Variants in PYHIN1 observed in about 807,000 individuals in gnomAD.
PYHIN1 encodes the protein pyrin and HIN domain family member 1.
In PYHIN1, 32 loss-of-function variants were observed where a neutral mutation model predicts 43.7. The ratio of observed to expected loss-of-function variants is 0.73; its 90% CI spans 0.55 to 0.98. The LOEUF is 0.98. Among genes scored for constraint, PYHIN1 ranks in the 50% least tolerant of loss-of-function variants. PYHIN1 has a pLI of 0.00. For missense variants in PYHIN1, 588 were observed against 589.5 expected, an observed-to-expected ratio of 1.00 and a Z score of 0.03; for synonymous variants, 205 against 203.1, an observed-to-expected ratio of 1.01 and a Z score of -0.08.
At chr1:158,960,093 T>C (rs6683718) in intron 7 of PYHIN1, among the ~76,000 whole-genome samples, 2 of 152,238 alleles carry the variant, frequency 1.3e-5, no homozygotes, top group Non-Finnish European at 2.9e-5. Context: ...ATAAGCTTCC[T>C]ATATACAAGC....
chr1:158,972,321 G>T (rs1650978393), intron 7 of PYHIN1, among the ~76,000 whole-genome samples: 1 of 151,864 alleles, frequency 6.6e-6, no homozygotes, highest in Non-Finnish European at 1.5e-5. Flanking sequence ...ATACTTAAAG[G>T]GATAATCAGT....
At position 158,956,437 on chromosome 1, in the gene PYHIN1, G is replaced by A. The variant is rs1292073309; in HGVS notation, c.1359+11395G>A. On this transcript the variant is annotated intron_variant, in intron 7 of 8. Coordinates refer to ENST00000368140, the MANE Select transcript of PYHIN1 (RefSeq NM_152501.5). ...AGTGGGTTTCATCCCTGGGATGCAA[G>A]GCTGGTTCAATATATGCAAATCAAT... is the stretch of plus-strand genomic sequence containing the variant. Among the ~76,000 whole-genome samples, 4 of 152,016 alleles carry A rather than the reference G, an allele frequency of 2.6e-5. No homozygotes were observed. The East Asian group carries it at 5.8e-4, about 22-fold the overall frequency.
chr1:158,944,082 A>C, intron 6 of PYHIN1, 104 bp downstream of exon 6: 4 of 884,996 alleles, frequency 4.5e-6, no homozygotes, highest in Non-Finnish European at 6.5e-6. Flanking sequence ...AATTCTGCAG[A>C]GTTCATGAGA....
the PYHIN1 span, among the ~76,000 whole-genome samples, chr1:158,982,761 C>T: frequency 1.4e-5 from 2 of 146,276 alleles, no homozygotes; most frequent in Non-Finnish European, 3.1e-5. Context: ...ATTGATTCTT[C>T]CTATCCATGA....
In PYHIN1 at chr1:158,944,969, C is replaced by T; in HGVS notation, c.1286C>T (p.Thr429Ile). ...CATCCAAAACCTTCAGAGGCCAGCA[C>T]AACCCTACCTGAAAGCCATCTCAAG... The part of the protein sequence containing the change: ...SQHPKPSEAS[T>I]TLPESHLKTP... Residue 429 changes from threonine to isoleucine, a missense_variant, in exon 7 of 9, where the codon ACA (threonine) becomes ATA (isoleucine). By Grantham distance (89) the Thr-to-Ile change is moderately conservative (BLOSUM62 -1). Coordinates refer to ENST00000368140, the MANE Select transcript of PYHIN1 (RefSeq NM_152501.5). 6.2e-7 allele frequency: 1 copy of T among 1,613,936 alleles called. No homozygotes were observed. The highest frequency in any genetic ancestry group is 8.5e-7 in the Non-Finnish European group (1 of 1,179,892).
chr1:158,958,660 G>T (rs1048370855), intron 7 of PYHIN1, among the ~76,000 whole-genome samples: 12 of 149,936 alleles, frequency 8.0e-5, no homozygotes, highest in African/African-American at 3.0e-4. Context: ...AATGGTAGAT[G>T]ACGAGTTAGT....
At chr1:158,946,388 A>T (rs1247422611) in intron 7 of PYHIN1, among the ~76,000 whole-genome samples, 1 of 152,192 alleles carries the variant, frequency 6.6e-6, no homozygotes, top group African/African-American at 2.4e-5. Flanking sequence ...TTGGAAAAAA[A>T]TGTTAAAAAA....
At chr1:158,951,518 C>T (rs1335371913) in intron 7 of PYHIN1, among the ~76,000 whole-genome samples, 10 of 152,170 alleles carry the variant, frequency 6.6e-5, no homozygotes, top group Non-Finnish European at 5.9e-5. Context: ...AATCTCAGCT[C>T]TCTAAGTGCT....
chr1:158,957,013 A>G (rs919777389), intron 7 of PYHIN1, among the ~76,000 whole-genome samples: 25 of 147,118 alleles, frequency 1.7e-4, no homozygotes, highest in African/African-American at 6.4e-4. Context: ...AATTGCTTCA[A>G]AGAGAATAAA....
Position 158,942,060 on chromosome 1 carries a change from T to C in PYHIN1, c.663T>C (p.Asn221=). 5.0e-6 allele frequency: 8 copies of C among 1,614,028 alleles called. No homozygotes were observed. The highest frequency in any genetic ancestry group is 6.8e-6 in the Non-Finnish European group (8 of 1,179,968). The change falls in exon 5 of 9, where the codon AAT becomes AAC. Residue 221 remains asparagine, a synonymous_variant. Coordinates refer to ENST00000368140, the MANE Select transcript of PYHIN1 (RefSeq NM_152501.5). ...ACCCAATAATCGCGATGGTACTAAATGCAACAAAAGTATTTAAATATGAAT... is the reference window on the plus strand; with the variant it reads ...ACCCAATAATCGCGATGGTACTAAACGCAACAAAAGTATTTAAATATGAAT... ...REDPIIAMVL[N]ATKVFKYESS...
At chr1:158,988,191 G>A in the PYHIN1 span, among the ~76,000 whole-genome samples, 1 of 152,064 alleles carries the variant, frequency 6.6e-6, no homozygotes, top group Non-Finnish European at 1.5e-5. Flanking sequence ...TTCTTTTAGA[G>A]GCCCTAGAAA....
At chr1:158,947,093 T>C (rs1277256077) in intron 7 of PYHIN1, among the ~76,000 whole-genome samples, 3 of 152,210 alleles carry the variant, frequency 2.0e-5, no homozygotes, top group African/African-American at 7.2e-5. Context: ...CTTCACAACA[T>C]CATAATTACT....
At chr1:158,974,054 A>T (rs1377047034) in intron 8 of PYHIN1, among the ~76,000 whole-genome samples, 1 of 152,050 alleles carries the variant, frequency 6.6e-6, no homozygotes, top group South Asian at 2.1e-4. Context: ...ACAAGGAGAG[A>T]TGAATACAAC....
In PYHIN1 at chr1:158,952,995, C is replaced by G. The variant is rs1053151749; in HGVS notation, c.1359+7953C>G. 3.3e-5 allele frequency among the ~76,000 whole-genome samples: 5 copies of G among 152,252 alleles called. 1 individual carries two copies. Among genetic ancestry groups the G allele is most frequent in the African/African-American group, 1.2e-4 (5 of 41,558 alleles). On this transcript the variant is annotated intron_variant, in intron 7 of 8. Coordinates refer to ENST00000368140, the MANE Select transcript of PYHIN1 (RefSeq NM_152501.5). ...CCGAGTCAAAGAAAGGGGTGATCGA[C>G]GCACCTGGAAAATCGGGTCACTCCC... is the stretch of plus-strand genomic sequence containing the variant.
intron 7 of PYHIN1, among the ~76,000 whole-genome samples, chr1:158,963,630 C>T (rs1243242778): frequency 6.6e-6 from 1 of 152,214 alleles, no homozygotes; most frequent in Admixed American, 6.5e-5. Context: ...TTAAGCACCA[C>T]CTACTGGATC....
chr1:158,954,518 G>A (rs1649794160), intron 7 of PYHIN1, among the ~76,000 whole-genome samples: 1 of 151,254 alleles, frequency 6.6e-6, no homozygotes, highest in South Asian at 2.1e-4. Context: ...ATAAGTGAAG[G>A]AGAAATAAAA....
Position 158,937,917 on chromosome 1 carries a change from C to T in PYHIN1, c.266-480C>T, listed in dbSNP as rs192985152. Among the ~76,000 whole-genome samples, 1,115 of 151,408 alleles carry T rather than the reference C, an allele frequency of 7.4e-3. 13 individuals carry two copies. Among genetic ancestry groups the T allele is most frequent in the African/African-American group, 0.026 (1,055 of 41,276 alleles). On this transcript the variant is annotated intron_variant, in intron 2 of 8. Transcript: ENST00000368140. ...CCGAGATCGCGCCACTGCACTCCCG[C>T]CTGGGCGACAGAGCGAGACTCCGTC...
downstream of PYHIN1, among the ~76,000 whole-genome samples, chr1:158,979,141 A>C (rs856133): frequency 0.88 from 133,340 of 152,158 alleles, 59,934 homozygotes; most frequent in Middle Eastern, 0.98. Context: ...GGCATGTATT[A>C]GAATTTTATG....
chr1:158,971,996 C>A (rs1454562796), intron 7 of PYHIN1, among the ~76,000 whole-genome samples: 1 of 151,828 alleles, frequency 6.6e-6, no homozygotes, highest in African/African-American at 2.4e-5. Context: ...AAAAATCAAA[C>A]CAGATAGATG....
Sources: allele counts gnomAD v4.1 joint callset (sites outside exome capture counted in the v4.1 genomes callset), GRCh38; gene constraint gnomAD v4.1.1; transcripts MANE v1.5; gene names NCBI Gene and HGNC (gene_info 2026-07-23, HGNC 2026-07-21).